Variants in POC1B observed in about 807,000 individuals in gnomAD.
POC1B encodes the protein POC1 centriolar protein B, also known as POC1 centriolar protein homolog B.
A neutral mutation model predicts 60.6 loss-of-function variants in POC1B; 44 were observed. The observed-to-expected ratio is 0.73, with a 90% CI of 0.57 to 0.93. POC1B has a LOEUF of 0.93. Ranked by LOEUF, POC1B falls within the 40% of genes least tolerant of loss-of-function variation. The probability of loss-of-function intolerance (pLI) is 0.00; values close to 1 mark genes in which losing one functional copy is unlikely to be tolerated. For synonymous variants in POC1B, 180 were observed against 198.9 expected (o/e 0.90, Z 0.80); for missense variants, 555 against 572.3 (o/e 0.97, Z 0.31).
chr12:89,503,538 C>A (rs1869710976), intron 2 of POC1B, among the ~76,000 whole-genome samples: 1 of 152,178 alleles, frequency 6.6e-6, no homozygotes, highest in African/African-American at 2.4e-5. Context: ...GGCTGCCACC[C>A]CGTCTGGGAA....
intron 9 of POC1B, among the ~76,000 whole-genome samples, chr12:89,465,354 C>T (rs533754924): frequency 2.6e-5 from 4 of 152,088 alleles, no homozygotes; most frequent in African/African-American, 4.8e-5. Context: ...ACCTAATTCA[C>T]GAGGAAAGCA....
chr12:89,463,146 T>C (rs1882539203), intron 9 of POC1B, among the ~76,000 whole-genome samples: 1 of 152,158 alleles, frequency 6.6e-6, no homozygotes, highest in Non-Finnish European at 1.5e-5. Context: ...TAAAGGACAT[T>C]TTCCTTCCTG....
At chr12:89,411,838 T>C in the POC1B span, among the ~76,000 whole-genome samples, 1 of 152,250 alleles carries the variant, frequency 6.6e-6, no homozygotes, top group African/African-American at 2.4e-5. Flanking sequence ...CAGTTGTTAT[T>C]AGTGTTCTGA....
chr12:89,519,019 G>A (rs1434166645), intron 2 of POC1B, among the ~76,000 whole-genome samples: 1 of 152,130 alleles, frequency 6.6e-6, no homozygotes, highest in Non-Finnish European at 1.5e-5. Context: ...CAGGCCACTG[G>A]TGGAAGGGAA....
intron 10 of POC1B, chr12:89,427,850 G>A (rs577576104): frequency 6.6e-6 from 1 of 152,312 alleles, no homozygotes; most frequent in South Asian, 2.1e-4. Context: ...CACAGATTCT[G>A]AAAGATCAAG....
At chr12:89,504,264 A>C (rs1176876923) in intron 2 of POC1B, among the ~76,000 whole-genome samples, 1 of 152,266 alleles carries the variant, frequency 6.6e-6, no homozygotes, top group Non-Finnish European at 1.5e-5. Context: ...GTACTAAGAA[A>C]GATTCTTCTG....
At chr12:89,436,247 G>A (rs1052442703) in intron 10 of POC1B, among the ~76,000 whole-genome samples, 5 of 151,910 alleles carry the variant, frequency 3.3e-5, no homozygotes, top group African/African-American at 7.3e-5. Context: ...CACCGTGCAC[G>A]ACCGCAGGAA....
At chr12:89,510,941 G>A (rs747345383) in intron 2 of POC1B, among the ~76,000 whole-genome samples, 3 of 151,614 alleles carry the variant, frequency 2.0e-5, no homozygotes, top group East Asian at 2.0e-4. Context: ...ATTTAGTACA[G>A]ACAGGGTTTC....
the POC1B span, among the ~76,000 whole-genome samples, chr12:89,412,965 A>G: frequency 1.3e-5 from 2 of 150,152 alleles, no homozygotes; most frequent in Non-Finnish European, 1.5e-5. Context: ...GTAGCATGAT[A>G]TCGGCTCACT....
the POC1B span, among the ~76,000 whole-genome samples, chr12:89,408,418 C>T: frequency 6.6e-6 from 1 of 152,160 alleles, no homozygotes; most frequent in African/African-American, 2.4e-5. Context: ...TTTACACTCC[C>T]ACCGACAGTG....
At position 89,522,068 on chromosome 12, in the gene POC1B, G is replaced by C. The variant is rs569096701; in HGVS notation, c.100+3052C>G. 1.0e-4 allele frequency: 41 copies of C among 398,920 alleles called. No individual in the cohort carries two copies. The South Asian group carries it at 3.9e-3, about 38-fold the overall frequency. The allele number at this position is 398,920 out of a possible 1,614,324, so 24.7% of individuals were successfully genotyped here. ...GAAAATGCCCTACACACACAAACAC[G>C]TTCACAGAGAAGACAGCTTACAAAA... is the stretch of plus-strand genomic sequence containing the variant. On this transcript the variant is annotated intron_variant, in intron 2 of 11. Coordinates refer to ENST00000313546, the MANE Select transcript of POC1B (RefSeq NM_172240.3).
the POC1B span, among the ~76,000 whole-genome samples, chr12:89,407,148 CAAAAAAAAAAA>C: frequency 1.6e-5 from 1 of 63,386 alleles, no homozygotes; most frequent in East Asian, 6.1e-4. Context: ...GACTCCGTCT[CAAAAAAAAAAA>C]AAAAAAAAAA....
intron 2 of POC1B, chr12:89,522,016 C>T (rs1870923406): frequency 5.0e-6 from 2 of 398,832 alleles, no homozygotes; most frequent in Non-Finnish European, 8.8e-6. Flanking sequence ...CTTTCTAGTA[C>T]ATTCATAACT....
intron 10 of POC1B, among the ~76,000 whole-genome samples, chr12:89,458,219 C>A (rs1341141963): frequency 2.0e-5 from 3 of 152,216 alleles, no homozygotes; most frequent in Non-Finnish European, 4.4e-5. Context: ...TGCTCCTTCT[C>A]GCTACAGGGG....
chr12:89,516,151 A>G (rs984388438), intron 2 of POC1B, among the ~76,000 whole-genome samples: 20 of 152,128 alleles, frequency 1.3e-4, no homozygotes, highest in African/African-American at 4.8e-4. Context: ...TATTGTCTCT[A>G]TCTTCAACAT....
chr12:89,434,684 A>AGTAGCCATTAC (rs1881177179), intron 10 of POC1B, among the ~76,000 whole-genome samples: 1 of 152,214 alleles, frequency 6.6e-6, no homozygotes. Context: ...AGGGAAAACA[A>AGTAGCCATTAC]GTAGCCATTA....
downstream of POC1B, chr12:89,419,640 C>T (rs1316484830): frequency 6.6e-6 from 1 of 152,142 alleles, no homozygotes; most frequent in African/African-American, 2.4e-5. Flanking sequence ...TTCGCACACA[C>T]ATTAAAGACT....
At chr12:89,406,506 T>C in the POC1B span, among the ~76,000 whole-genome samples, 1 of 152,144 alleles carries the variant, frequency 6.6e-6, no homozygotes, top group Admixed American at 6.5e-5. Context: ...GGAGGCAGCA[T>C]AGAGCAGTGG....
intron 4 of POC1B, among the ~76,000 whole-genome samples, chr12:89,474,953 A>AT (rs1390159410): frequency 1.3e-5 from 2 of 152,170 alleles, no homozygotes; most frequent in Non-Finnish European, 2.9e-5. Context: ...TCACCCACTG[A>AT]TTCATTCAAA....
Sources: gnomAD v4.1 joint callset for allele counts (sites outside exome capture counted in the v4.1 genomes callset) on GRCh38, gnomAD v4.1.1 for gene constraint, MANE v1.5 for transcripts, NCBI Gene and HGNC (gene_info 2026-07-23, HGNC 2026-07-21) for gene names.